Variants in ZDHHC12 observed in about 807,000 individuals in gnomAD.
The protein encoded by ZDHHC12 is palmitoyltransferase ZDHHC12.
A neutral mutation model predicts 33.2 loss-of-function variants in ZDHHC12; 26 were observed. The observed-to-expected ratio is 0.78, with a 90% CI of 0.57 to 1.09. ZDHHC12 has a LOEUF of 1.09. Ranked by LOEUF, ZDHHC12 falls within the 50% of genes least tolerant of loss-of-function variation. ZDHHC12 has a pLI of 0.00. For synonymous variants in ZDHHC12, 154 were observed against 152.1 expected (o/e 1.01, Z -0.09); for missense variants, 350 against 353.0 (o/e 0.99, Z 0.07).
In ZDHHC12 at chr9:128,724,031, G is replaced by A. The variant is rs762743157; in HGVS notation, c.63C>T (p.Thr21=). The change falls in exon 1 of 5, where the codon ACC becomes ACT. Residue 21 remains threonine, a synonymous_variant. Coordinates refer to ENST00000372663, the MANE Select transcript of ZDHHC12 (RefSeq NM_032799.5). The part of the protein sequence containing the change: ...VLVRTGHTVL[T]WGITLVLFLH... ...GGAAGAGCACCAGCGTGATTCCCCA[G>A]GTCAGCACGGTGTGCCCGGTCCGCA... The A allele has an allele frequency of 1.2e-6, 2 of 1,612,716 alleles. No individual in the cohort carries two copies. Among genetic ancestry groups the A allele is most frequent in the Non-Finnish European group, 1.7e-6 (2 of 1,179,312 alleles).
chr9:128,723,932 C>T lies in ZDHHC12; in HGVS notation c.100+62G>A, dbSNP rs1318690306. On this transcript the variant is annotated intron_variant, in intron 1 of 4. Coordinates refer to ENST00000372663, the MANE Select transcript of ZDHHC12 (RefSeq NM_032799.5). The surrounding 1 kb of genome is among the most constrained non-coding windows in gnomAD (Gnocchi z 4.4). ...GATTAGGCGGGAGACCCAGTGTGAC[C>T]AGAACGTCTGGGGAAGTACGCGGGA... The T allele has an allele frequency of 2.6e-6, 4 of 1,566,456 alleles. No individual in the cohort carries two copies. The highest frequency in any genetic ancestry group is 2.3e-5 in the South Asian group (2 of 85,920).
At position 128,722,692 on chromosome 9, in the gene ZDHHC12, G is replaced by C; in HGVS notation, c.101-118C>G. 6.7e-7 allele frequency: 1 copy of C among 1,483,282 alleles called. No individual in the cohort carries two copies. Among genetic ancestry groups the C allele is most frequent in the Non-Finnish European group, 9.0e-7 (1 of 1,111,106 alleles). 91.9% of individuals were successfully genotyped at this position (1,483,282 alleles called of 1,614,324 possible). A position where few individuals can be genotyped will look rare whatever the true frequency, so the allele number is the denominator to read the frequency against. On this transcript the variant is annotated intron_variant, in intron 1 of 4. Coordinates refer to ENST00000372663, the MANE Select transcript of ZDHHC12 (RefSeq NM_032799.5). This position sits in a 1 kb window ranked among gnomAD's most constrained non-coding sequence, Gnocchi z 4.2. ...GGCTGAGCAAAGGCCTGGAGATGTT[G>C]GTTCCATGAGTGGCTGTGTGTGGCC...
Position 128,720,924 on chromosome 9 carries a change from G to A in ZDHHC12, c.*257C>T. On this transcript the variant is annotated 3_prime_UTR_variant, in exon 5 of 5. Coordinates refer to ENST00000372663, the MANE Select transcript of ZDHHC12 (RefSeq NM_032799.5). The surrounding 1 kb of genome is among the most constrained non-coding windows in gnomAD (Gnocchi z 5.5). ...ATTAAATTTGTAAAAGTGTGCACTG[G>A]CAGCAGCCTGGGCGGGGCTGGGGTG... 1 of 563,228 alleles carries A rather than the reference G, an allele frequency of 1.8e-6. No homozygotes were observed. Among genetic ancestry groups the A allele is most frequent in the Non-Finnish European group, 3.1e-6 (1 of 321,536 alleles). 34.9% of individuals were successfully genotyped at this position (563,228 alleles called of 1,614,324 possible).
At position 128,723,924 on chromosome 9, in the gene ZDHHC12, A is replaced by G. The variant is rs751415618; in HGVS notation, c.100+70T>C. On this transcript the variant is annotated intron_variant, in intron 1 of 4. Transcript: ENST00000372663. The surrounding 1 kb of genome is among the most constrained non-coding windows in gnomAD (Gnocchi z 4.4). Reference sequence around the variant, plus strand: ...TCTCCAGGGATTAGGCGGGAGACCCAGTGTGACCAGAACGTCTGGGGAAGT... The same window carrying G: ...TCTCCAGGGATTAGGCGGGAGACCCGGTGTGACCAGAACGTCTGGGGAAGT... 1.4e-4 allele frequency: 223 copies of G among 1,555,252 alleles called. 1 individual carries two copies. Among genetic ancestry groups the G allele is most frequent in the Non-Finnish European group, 1.8e-4 (212 of 1,146,616 alleles).
Position 128,721,454 on chromosome 9 carries a change from G to T in ZDHHC12, c.531C>A (p.Ser177Arg), listed in dbSNP as rs1349766735. The T allele has an allele frequency of 1.9e-6, 3 of 1,589,342 alleles. No individual in the cohort carries two copies. The highest frequency in any genetic ancestry group is 1.7e-6 in the Non-Finnish European group (2 of 1,168,628). ...GCAGGAAGGTGGCGAACAGGAGCCCGCTGGACCGCAACCACTGACCCCAGG... is the reference window on the plus strand; with the variant it reads ...GCAGGAAGGTGGCGAACAGGAGCCCTCTGGACCGCAACCACTGACCCCAGG... ...FQPWGQWLRS[S>R]GLLFATFLLL... The change falls in exon 5 of 5, where the codon AGC becomes AGA. Residue 177 changes from serine to arginine, a missense_variant. Coordinates refer to ENST00000372663, the MANE Select transcript of ZDHHC12 (RefSeq NM_032799.5). The surrounding 1 kb of genome is among the most constrained non-coding windows in gnomAD (Gnocchi z 6.9).
chr9:128,721,229 C>G lies in ZDHHC12; in HGVS notation c.756G>C (p.Glu252Asp), dbSNP rs1485821579. Reference sequence around the variant, plus strand: ...CTTCCTCCTCCTCAGCCCAGAGGGTCTCCCAGGACCCTGAGGGCCATCCAC... The same window carrying G: ...CTTCCTCCTCCTCAGCCCAGAGGGTGTCCCAGGACCCTGAGGGCCATCCAC... ...FFCGWPSGSW[E>D]TLWAEEEEEG... Residue 252 changes from glutamate (E) to aspartate (D), a missense_variant, in exon 5 of 5, where the codon GAG (glutamate) becomes GAC (aspartate). Transcript: ENST00000372663. The surrounding 1 kb of genome is among the most constrained non-coding windows in gnomAD (Gnocchi z 6.9). 6.2e-7 allele frequency: 1 copy of G among 1,604,052 alleles called. No individual in the cohort carries two copies. Among genetic ancestry groups the G allele is most frequent in the Non-Finnish European group, 8.5e-7 (1 of 1,176,094 alleles).
chr9:128,722,198 C>A lies in ZDHHC12; in HGVS notation c.238-112G>T. The A allele has an allele frequency of 7.3e-7, 1 of 1,364,468 alleles. No homozygotes were observed. The allele number at this position is 1,364,468 out of a possible 1,614,324, so 84.5% of individuals were successfully genotyped here. A position where few individuals can be genotyped will look rare whatever the true frequency, so the allele number is the denominator to read the frequency against. ...CTGGGTATGGAGTTTGGGACCCATC[C>A]CATGCAGAATGGAGGTGTGGGGTAT... On this transcript the variant is annotated intron_variant, in intron 2 of 4. Coordinates refer to ENST00000372663, the MANE Select transcript of ZDHHC12 (RefSeq NM_032799.5). The surrounding 1 kb of genome is among the most constrained non-coding windows in gnomAD (Gnocchi z 4.2).
rs1862627306 is a variant in ZDHHC12, at chr9:128,723,371, A to C, written c.100+623T>G. 6.6e-6 allele frequency: 1 copy of C among 152,062 alleles called. No individual in the cohort carries two copies. Among genetic ancestry groups the C allele is most frequent in the Admixed American group, 6.6e-5 (1 of 15,238 alleles). The allele number at this position is 152,062 out of a possible 1,614,324, so 9.4% of individuals were successfully genotyped here. A position where few individuals can be genotyped will look rare whatever the true frequency, so the allele number is the denominator to read the frequency against. On this transcript the variant is annotated intron_variant, in intron 1 of 4. Coordinates refer to ENST00000372663, the MANE Select transcript of ZDHHC12 (RefSeq NM_032799.5). The surrounding 1 kb of genome is among the most constrained non-coding windows in gnomAD (Gnocchi z 4.4). ...AGAAACTGAGGCTGGACCGCCATGG[A>C]AGGAGGGCTGGGGTCTGCTGTGGGG... is the stretch of plus-strand genomic sequence containing the variant.
At position 128,721,158 on chromosome 9, in the gene ZDHHC12, CG is replaced by C. The variant is rs1564380775; in HGVS notation, c.*22del. The C allele has an allele frequency of 6.6e-7, 1 of 1,525,260 alleles. No individual in the cohort carries two copies. The highest frequency in any genetic ancestry group is 2.0e-5 in the Admixed American group (1 of 49,416). The allele number at this position is 1,525,260 out of a possible 1,614,324, so 94.5% of individuals were successfully genotyped here. A position where few individuals can be genotyped will look rare whatever the true frequency, so the allele number is the denominator to read the frequency against. ...GGCCCCGTGGTTTTCAGGCACAAGA[CG>C]GTAGCCCGGCCTCCAGCAACCCTAA... On this transcript the variant is annotated 3_prime_UTR_variant, in exon 5 of 5. Transcript: ENST00000372663. This position sits in a 1 kb window ranked among gnomAD's most constrained non-coding sequence, Gnocchi z 6.9.
chr9:128,721,174 A>G lies in ZDHHC12; in HGVS notation c.*7T>C, dbSNP rs1181855934. The stretch of plus-strand genomic sequence containing the variant: ...GGCACAAGACGGTAGCCCGGCCTCC[A>G]GCAACCCTAAACAGCTGGGCTGCTG... On this transcript the variant is annotated 3_prime_UTR_variant, in exon 5 of 5. Transcript: ENST00000372663. This position sits in a 1 kb window ranked among gnomAD's most constrained non-coding sequence, Gnocchi z 6.9. 3 of 1,554,158 alleles carry G rather than the reference A, an allele frequency of 1.9e-6. No individual in the cohort carries two copies. The South Asian group carries it at 3.5e-5, about 18-fold the overall frequency.
In ZDHHC12 at chr9:128,720,999, CCTT is replaced by C; in HGVS notation, c.*179_*181del. 1.4e-6 allele frequency: 1 copy of C among 705,156 alleles called. No individual in the cohort carries two copies. The highest frequency in any genetic ancestry group is 2.8e-5 in the East Asian group (1 of 35,382). The allele number at this position is 705,156 out of a possible 1,614,324, so 43.7% of individuals were successfully genotyped here. A position where few individuals can be genotyped will look rare whatever the true frequency, so the allele number is the denominator to read the frequency against. On this transcript the variant is annotated 3_prime_UTR_variant, in exon 5 of 5. Coordinates refer to ENST00000372663, the MANE Select transcript of ZDHHC12 (RefSeq NM_032799.5). This position sits in a 1 kb window ranked among gnomAD's most constrained non-coding sequence, Gnocchi z 5.5. ...AGCCACCCACAGGTCCTTTTCTTCCCCTTCTTCCTTGGAAGGCAGAACTGCCCA... is the reference window on the plus strand; with the variant it reads ...AGCCACCCACAGGTCCTTTTCTTCCCCTTCCTTGGAAGGCAGAACTGCCCA...
Position 128,721,690 on chromosome 9 carries a change from A to C in ZDHHC12, c.443T>G (p.Leu148Arg), listed in dbSNP as rs1161416823. Reference protein sequence around the residue: ...NHPLFVVYLALQLVVLLWGLY... With the variant: ...NHPLFVVYLARQLVVLLWGLY... ...GCCCCACAGAAGCACCACCAGCTGC[A>C]GCGCCAGGTAGACCACAAAGAGTGG... is the stretch of plus-strand genomic sequence containing the variant. The change falls in exon 4 of 5, where the codon CTG (leucine) becomes CGG (arginine). Residue 148 changes from leucine to arginine, a missense_variant. By Grantham distance (102) the Leu-to-Arg change is moderately radical. Transcript: ENST00000372663. This position sits in a 1 kb window ranked among gnomAD's most constrained non-coding sequence, Gnocchi z 6.9. The C allele has an allele frequency of 1.3e-5, 21 of 1,613,924 alleles. No homozygotes were observed. Among genetic ancestry groups the C allele is most frequent in the Non-Finnish European group, 1.8e-5 (21 of 1,179,976 alleles).
rs1438352676 is a variant in ZDHHC12, at chr9:128,723,804, G to A, written c.100+190C>T. The A allele has an allele frequency of 4.4e-5, 36 of 815,356 alleles. No homozygotes were observed. The highest frequency in any genetic ancestry group is 1.7e-5 in the African/African-American group (1 of 57,386). The allele number at this position is 815,356 out of a possible 1,614,324, so 50.5% of individuals were successfully genotyped here. On this transcript the variant is annotated intron_variant, in intron 1 of 4. Transcript: ENST00000372663. This position sits in a 1 kb window ranked among gnomAD's most constrained non-coding sequence, Gnocchi z 4.4. ...CAGGAAGATGCTGGGATTAATTAGG[G>A]ATCAACGGGGTATCAGACAGAGAGC...
rs1862578316 is a variant in ZDHHC12 at position 128,722,049 on chromosome 9, G to A, written c.275C>T (p.Pro92Leu). The A allele has an allele frequency of 5.0e-6, 8 of 1,614,050 alleles. No individual in the cohort carries two copies. Among genetic ancestry groups the A allele is most frequent in the Non-Finnish European group, 6.8e-6 (8 of 1,179,984 alleles). ...TCTGCAGCGCCGAAGAGGGATGGCT[G>A]GAGGAACCATGGCTGTCTGCTCCTC... ...LKEEQTAMVP[P>L]AIPLRRCRYC... Residue 92 changes from proline (P) to leucine (L), a missense_variant, in exon 3 of 5, where the codon CCA becomes CTA. By Grantham distance (98) the Pro-to-Leu change is moderately conservative. Coordinates refer to ENST00000372663, the MANE Select transcript of ZDHHC12 (RefSeq NM_032799.5). The surrounding 1 kb of genome is among the most constrained non-coding windows in gnomAD (Gnocchi z 4.2).
Position 128,721,636 on chromosome 9 carries a change from G to A in ZDHHC12, c.482+15C>T, listed in dbSNP as rs1292184645. ...TCATCCCACCCTCCCTCTACACCCG[G>A]GCAGCAGCACCCACCATGCCAGGTA... is the stretch of plus-strand genomic sequence containing the variant. On this transcript the variant is annotated intron_variant, in intron 4 of 4. Transcript: ENST00000372663. This position sits in a 1 kb window ranked among gnomAD's most constrained non-coding sequence, Gnocchi z 6.9. The A allele has an allele frequency of 1.2e-6, 2 of 1,611,982 alleles. No individual in the cohort carries two copies. Among genetic ancestry groups the A allele is most frequent in the African/African-American group, 2.7e-5 (2 of 74,888 alleles).
Position 128,721,583 on chromosome 9 carries a change from C to G in ZDHHC12, c.482+68G>C. 6.3e-7 allele frequency: 1 copy of G among 1,591,778 alleles called. No individual in the cohort carries two copies. Among genetic ancestry groups the G allele is most frequent in the Non-Finnish European group, 8.6e-7 (1 of 1,166,570 alleles). ...TCCCCATGCCGGGTCCCTGGGAGTC[C>G]TGGCTCTGTCCACCCCTGTGGGAGC... On this transcript the variant is annotated intron_variant, in intron 4 of 4. Coordinates refer to ENST00000372663, the MANE Select transcript of ZDHHC12 (RefSeq NM_032799.5). This position sits in a 1 kb window ranked among gnomAD's most constrained non-coding sequence, Gnocchi z 6.9.
At position 128,722,852 on chromosome 9, in the gene ZDHHC12, G is replaced by T; in HGVS notation, c.101-278C>A. On this transcript the variant is annotated intron_variant, in intron 1 of 4. Transcript: ENST00000372663. This position sits in a 1 kb window ranked among gnomAD's most constrained non-coding sequence, Gnocchi z 4.2. ...CTGGGGGCAGAGAATCTGGCCAGGA[G>T]GAAGAAGAGAGTCGCTACAAAGGCC... 9.6e-7 allele frequency: 1 copy of T among 1,038,858 alleles called. No homozygotes were observed. Among genetic ancestry groups the T allele is most frequent in the Non-Finnish European group, 1.3e-6 (1 of 778,706 alleles). 64.4% of individuals were successfully genotyped at this position (1,038,858 alleles called of 1,614,324 possible).
At position 128,721,421 on chromosome 9, in the gene ZDHHC12, G is replaced by A. The variant is rs1423087954; in HGVS notation, c.564C>T (p.Ser188=). The part of the protein sequence containing the change: ...GLLFATFLLL[S]LFSLVASLLL... Reference sequence around the variant, plus strand: ...GCAGGCTGGCCACCAACGAGAAGAGGGACAGCAGCAGGAAGGTGGCGAACA... The same window carrying A: ...GCAGGCTGGCCACCAACGAGAAGAGAGACAGCAGCAGGAAGGTGGCGAACA... The change falls in exon 5 of 5, where the codon TCC becomes TCT. Residue 188 remains serine (S), a synonymous_variant. Coordinates refer to ENST00000372663, the MANE Select transcript of ZDHHC12 (RefSeq NM_032799.5). The surrounding 1 kb of genome is among the most constrained non-coding windows in gnomAD (Gnocchi z 6.9). 12 of 1,583,362 alleles carry A rather than the reference G, an allele frequency of 7.6e-6. No homozygotes were observed. The highest frequency in any genetic ancestry group is 3.7e-5 in the Admixed American group (2 of 53,360).
Position 128,722,133 on chromosome 9 carries a change from A to G in ZDHHC12, c.238-47T>C. On this transcript the variant is annotated intron_variant, in intron 2 of 4. Coordinates refer to ENST00000372663, the MANE Select transcript of ZDHHC12 (RefSeq NM_032799.5). This position sits in a 1 kb window ranked among gnomAD's most constrained non-coding sequence, Gnocchi z 4.2. ...AAGACAGGGTCCCCTTGGGAGACAG[A>G]TGGCATTGGCGGGCAGCTCCCCTAG... is the stretch of plus-strand genomic sequence containing the variant. 1 of 1,610,594 alleles carries G rather than the reference A, an allele frequency of 6.2e-7. No individual in the cohort carries two copies. The highest frequency in any genetic ancestry group is 8.5e-7 in the Non-Finnish European group (1 of 1,177,158).
Sources: allele counts gnomAD v4.1 joint callset, GRCh38; gene constraint gnomAD v4.1.1; non-coding constraint Gnocchi (gnomAD v3.1); transcripts MANE v1.5; gene names NCBI Gene and HGNC (gene_info 2026-07-23, HGNC 2026-07-21).